MEGF10: variants seen among roughly 807,000 people sequenced by gnomAD.
The protein encoded by MEGF10 is multiple epidermal growth factor-like domains protein 10.
A neutral mutation model predicts 147.5 loss-of-function variants in MEGF10; 86 were observed. That is an observed-to-expected ratio of 0.58 (90% CI 0.49 to 0.70). The LOEUF (loss-of-function observed/expected upper bound fraction) is 0.70. Among genes scored for constraint, MEGF10 ranks in the 30% least tolerant of loss-of-function variants. The pLI, the probability that MEGF10 is intolerant of heterozygous loss-of-function variation, is 0.00. For synonymous variants in MEGF10, 478 were observed against 525.5 expected, an observed-to-expected ratio of 0.91 and a Z score of 1.24; for missense variants, 1,329 against 1,487.3, an observed-to-expected ratio of 0.89 and a Z score of 1.75.
intron 1 of MEGF10, among the ~76,000 whole-genome samples, chr5:127,314,726 T>C (rs1434561661): frequency 6.6e-6 from 1 of 152,188 alleles, no homozygotes; most frequent in Admixed American, 6.5e-5. Flanking sequence ...ATATGAAAAA[T>C]ATATTCCAGG....
chr5:127,409,080 A>G (rs914373055), intron 8 of MEGF10, among the ~76,000 whole-genome samples: 5 of 152,180 alleles, frequency 3.3e-5, no homozygotes, highest in Admixed American at 1.3e-4. Context: ...CTGTCTCAAA[A>G]AAAAGTATCA....
At chr5:127,408,592 C>T (rs1335559197) in intron 8 of MEGF10, among the ~76,000 whole-genome samples, 2 of 152,138 alleles carry the variant, frequency 1.3e-5, no homozygotes, top group Non-Finnish European at 2.9e-5. Flanking sequence ...TTTAGGCACA[C>T]GTTTTATTTT....
chr5:127,317,757 CCT>C (rs1222545868), intron 1 of MEGF10, among the ~76,000 whole-genome samples: 1 of 151,958 alleles, frequency 6.6e-6, no homozygotes, highest in Non-Finnish European at 1.5e-5. Context: ...TCATGTGTCC[CCT>C]GTCATGGGGG....
rs1580880208 is a variant in MEGF10, at chr5:127,445,535, G to C, written c.2570G>C (p.Gly857Ala). The C allele has an allele frequency of 6.2e-7, 1 of 1,614,016 alleles. No homozygotes were observed. The highest frequency in any genetic ancestry group is 8.5e-7 in the Non-Finnish European group (1 of 1,179,990). Reference protein sequence around the residue: ...TALPADSYQIGAIAGIIILVL... With the variant: ...TALPADSYQIAAIAGIIILVL... ...CTCCCTGCTGATTCCTACCAGATCG[G>C]GGCCATTGCAGGCATCATCATTCTT... The change falls in exon 20 of 25, where the codon GGG becomes GCG. Residue 857 changes from glycine (G) to alanine (A), a missense_variant. By Grantham distance (60) the Gly-to-Ala change is moderately conservative. This residue lies in a region of MEGF10 where 343 missense variants were observed against 377.9 expected (regional missense o/e 0.91). Transcript: ENST00000503335.
chr5:127,441,358 A>G (rs1765751152), intron 18 of MEGF10, among the ~76,000 whole-genome samples: 1 of 152,190 alleles, frequency 6.6e-6, no homozygotes, highest in East Asian at 1.9e-4. Flanking sequence ...TCGTACTTTT[A>G]TACTGCTTCC....
At chr5:127,266,268 C>G in the MEGF10 span, among the ~76,000 whole-genome samples, 1 of 151,654 alleles carries the variant, frequency 6.6e-6, no homozygotes, top group African/African-American at 2.4e-5. Context: ...CTCTTCTGTT[C>G]CATTGGTCTA....
At chr5:127,346,880 A>G (rs1761914421) in intron 4 of MEGF10, among the ~76,000 whole-genome samples, 3 of 152,128 alleles carry the variant, frequency 2.0e-5, no homozygotes, top group Admixed American at 2.0e-4. Flanking sequence ...TCACATCCAT[A>G]ATGAGATATT....
chr5:127,295,461 C>T (rs1759452019), intron 1 of MEGF10, among the ~76,000 whole-genome samples: 1 of 152,210 alleles, frequency 6.6e-6, no homozygotes, highest in South Asian at 2.1e-4. Context: ...ATGAGACAAA[C>T]ACTTCTCATA....
intron 4 of MEGF10, among the ~76,000 whole-genome samples, chr5:127,361,089 A>G (rs1211065476): frequency 1.3e-5 from 2 of 151,796 alleles, no homozygotes; most frequent in African/African-American, 4.8e-5. Flanking sequence ...CTGGCCTTCA[A>G]TTTTCTGGAA....
chr5:127,320,295 A>T (rs914638696), intron 1 of MEGF10, among the ~76,000 whole-genome samples: 3 of 152,198 alleles, frequency 2.0e-5, no homozygotes, highest in Non-Finnish European at 4.4e-5. Context: ...TTCACTAAAA[A>T]TGGCAGGGAA....
chr5:127,265,698 G>T, the MEGF10 span, among the ~76,000 whole-genome samples: 2 of 152,074 alleles, frequency 1.3e-5, no homozygotes, highest in African/African-American at 2.4e-5. Context: ...TCATGTGTCT[G>T]TTGGCTGCAT....
the MEGF10 span, among the ~76,000 whole-genome samples, chr5:127,264,966 G>A: frequency 3.3e-5 from 5 of 151,838 alleles, no homozygotes; most frequent in South Asian, 2.1e-4. Context: ...TGTGCACAAC[G>A]TGCAGGTTTG....
At chr5:127,233,488 G>T in the MEGF10 span, among the ~76,000 whole-genome samples, 1 of 152,186 alleles carries the variant, frequency 6.6e-6, no homozygotes, top group Admixed American at 6.5e-5. Flanking sequence ...AAGTAAGGCG[G>T]CAATTAGCCT....
the MEGF10 span, among the ~76,000 whole-genome samples, chr5:127,247,399 AAG>A: frequency 6.6e-5 from 3 of 45,174 alleles, 1 homozygote; most frequent in African/African-American, 2.3e-4. Context: ...GAAGAAGAAG[AAG>A]AAGAAGAAGA....
At chr5:127,400,557 A>G (rs1409073404) in intron 7 of MEGF10, among the ~76,000 whole-genome samples, 4 of 152,142 alleles carry the variant, frequency 2.6e-5, no homozygotes, top group African/African-American at 9.7e-5. Context: ...GGTCTTTTGC[A>G]ATGAAAGTAT....
intron 1 of MEGF10, among the ~76,000 whole-genome samples, chr5:127,327,271 GT>G (rs1256259869): frequency 6.6e-6 from 1 of 152,122 alleles, no homozygotes; most frequent in Non-Finnish European, 1.5e-5. Context: ...GCACTAGGGG[GT>G]TCATGCAAAT....
At chr5:127,373,555 GC>G (rs1476399316) in intron 5 of MEGF10, among the ~76,000 whole-genome samples, 1 of 152,056 alleles carries the variant, frequency 6.6e-6, no homozygotes, top group African/African-American at 2.4e-5. Flanking sequence ...TCCTACTGCA[GC>G]CCTAAAATGA....
chr5:127,382,695 T>A (rs1481615829), intron 5 of MEGF10, among the ~76,000 whole-genome samples: 1 of 152,076 alleles, frequency 6.6e-6, no homozygotes, highest in East Asian at 1.9e-4. Flanking sequence ...TTTTGCCACA[T>A]AAGTAAACAG....
chr5:127,344,029 T>C (rs919136670), intron 4 of MEGF10, among the ~76,000 whole-genome samples: 1 of 152,220 alleles, frequency 6.6e-6, no homozygotes, highest in Admixed American at 6.5e-5. Context: ...AGCAGGTTTC[T>C]ATTCTACTTG....
Sources: gnomAD v4.1 joint callset for allele counts (sites outside exome capture counted in the v4.1 genomes callset) on GRCh38, gnomAD v4.1.1 for gene constraint, gnomAD v4.1.1 regional missense constraint, MANE v1.5 for transcripts, NCBI Gene and HGNC (gene_info 2026-07-23, HGNC 2026-07-21) for gene names.